Variants in RAB3GAP1 observed in about 807,000 individuals in gnomAD.
The protein encoded by RAB3GAP1 is RAB3 GTPase activating protein catalytic subunit 1.
RAB3GAP1 carries 86 observed loss-of-function variants against 130.7 expected under a neutral mutation model. The ratio of observed to expected loss-of-function variants is 0.66; its 90% confidence interval spans 0.55 to 0.79. The LOEUF (loss-of-function observed/expected upper bound fraction) is 0.79, where lower values mean the gene tolerates loss of function less well. RAB3GAP1 is among the 30% of genes least tolerant of loss of function. RAB3GAP1 has a pLI of 0.00. For missense variants in RAB3GAP1, 1,029 were observed against 1,169.4 expected, an observed-to-expected ratio of 0.88 and a Z score of 1.75; for synonymous variants, 367 against 401.7, an observed-to-expected ratio of 0.91 and a Z score of 1.03.
chr2:135,164,177 GCACA>G (rs1461358057), intron 22 of RAB3GAP1, among the ~76,000 whole-genome samples: 1 of 152,088 alleles, frequency 6.6e-6, no homozygotes, highest in Admixed American at 6.5e-5. Flanking sequence ...ACGTGTGCGT[GCACA>G]CACAGACACA....
chr2:135,158,207 C>T (rs190020285), intron 19 of RAB3GAP1, among the ~76,000 whole-genome samples: 342 of 152,242 alleles, frequency 2.2e-3, no homozygotes, highest in African/African-American at 6.0e-3. Context: ...AGCACTGACA[C>T]CCTCATAGCA....
intron 2 of RAB3GAP1, among the ~76,000 whole-genome samples, chr2:135,054,701 A>AT (rs1688964577): frequency 2.6e-5 from 4 of 152,226 alleles, no homozygotes; most frequent in Admixed American, 2.6e-4. Context: ...GAATGGAAAA[A>AT]TGATCACTTT....
intron 17 of RAB3GAP1, among the ~76,000 whole-genome samples, chr2:135,139,466 G>A (rs1023750187): frequency 4.6e-5 from 7 of 151,848 alleles, no homozygotes; most frequent in African/African-American, 1.7e-4. Context: ...GCTTGGGTCC[G>A]GGAGGCAGAG....
intron 7 of RAB3GAP1, among the ~76,000 whole-genome samples, chr2:135,119,175 C>T (rs1222524313): frequency 1.4e-5 from 2 of 145,176 alleles, no homozygotes; most frequent in Admixed American, 7.0e-5. Context: ...GTGGCACGAT[C>T]TTGGCTCACT....
chr2:135,124,126 T>C (rs1192083186), intron 8 of RAB3GAP1, 39 bp from the exon 9 acceptor site: 5 of 1,572,204 alleles, frequency 3.2e-6, no homozygotes, highest in Non-Finnish European at 4.4e-6. Context: ...CTCTTCTTTA[T>C]TTTTTCCCAA....
At chr2:135,080,981 G>C (rs934002113) in intron 3 of RAB3GAP1, among the ~76,000 whole-genome samples, 4 of 152,048 alleles carry the variant, frequency 2.6e-5, no homozygotes, top group African/African-American at 9.7e-5. Flanking sequence ...TCAATGATTA[G>C]AAACTATTTA....
chr2:135,125,295 A>G (rs1427522385), intron 9 of RAB3GAP1, among the ~76,000 whole-genome samples: 1 of 152,236 alleles, frequency 6.6e-6, no homozygotes, highest in Non-Finnish European at 1.5e-5. Context: ...ATGAATCAGT[A>G]CAGTAGTACC....
chr2:135,153,445 T>C (rs1158855509), intron 18 of RAB3GAP1, among the ~76,000 whole-genome samples: 2 of 152,340 alleles, frequency 1.3e-5, no homozygotes, highest in Non-Finnish European at 2.9e-5. Context: ...ATGTTTTCTT[T>C]TTCTATAAAG....
At chr2:135,081,361 T>TATATATATATATATACACAC (rs1216831944) in intron 3 of RAB3GAP1, among the ~76,000 whole-genome samples, 6 of 71,248 alleles carry the variant, frequency 8.4e-5, no homozygotes, top group Non-Finnish European at 1.4e-4. Flanking sequence ...TATATATATA[T>TATATATATATATATACACAC]ACACACACGT....
At chr2:135,093,738 GGGGA>G in intron 5 of RAB3GAP1, 45 bp downstream of exon 5, 8 of 1,426,382 alleles carry the variant, frequency 5.6e-6, no homozygotes, top group Non-Finnish European at 7.9e-6. Context: ...GTGTGTTGCG[GGGGA>G]CCTCAACACT....
intron 3 of RAB3GAP1, among the ~76,000 whole-genome samples, chr2:135,061,846 T>C (rs1689179038): frequency 1.3e-5 from 2 of 151,442 alleles, no homozygotes; most frequent in South Asian, 4.2e-4. Flanking sequence ...AGGGATCAAG[T>C]TTCTTCTTCC....
In RAB3GAP1 at chr2:135,059,559, A is replaced by C. The variant is rs571645760; in HGVS notation, c.150+1473A>C. ...TACATATTTTGGGGTACATGTGATA[A>C]TTTGATACATGCATATAATCAAATC... is the stretch of plus-strand genomic sequence containing the variant. On this transcript the variant is annotated intron_variant, in intron 3 of 23. Coordinates refer to ENST00000264158, the MANE Select transcript of RAB3GAP1 (RefSeq NM_012233.3). 2.6e-5 allele frequency among the ~76,000 whole-genome samples: 4 copies of C among 152,282 alleles called. No individual in the cohort carries two copies. The South Asian group carries it at 8.3e-4, about 32-fold the overall frequency.
At chr2:135,093,172 T>G (rs1434964911) in intron 4 of RAB3GAP1, among the ~76,000 whole-genome samples, 1 of 152,156 alleles carries the variant, frequency 6.6e-6, no homozygotes, top group Non-Finnish European at 1.5e-5. Flanking sequence ...TAAACATAGT[T>G]TAGAAGTGGG....
chr2:135,092,883 G>A (rs746277854), intron 4 of RAB3GAP1, among the ~76,000 whole-genome samples: 21 of 152,242 alleles, frequency 1.4e-4, no homozygotes, highest in Non-Finnish European at 5.9e-5. Context: ...ACAGATACGC[G>A]TTTAAAACTA....
chr2:135,074,308 T>C (rs1159946536), intron 3 of RAB3GAP1, among the ~76,000 whole-genome samples: 1 of 152,122 alleles, frequency 6.6e-6, no homozygotes, highest in Non-Finnish European at 1.5e-5. Flanking sequence ...AACGTAGGGA[T>C]TGGGGACTTT....
intron 3 of RAB3GAP1, among the ~76,000 whole-genome samples, chr2:135,074,350 C>T (rs1689561931): frequency 6.6e-6 from 1 of 152,228 alleles, no homozygotes; most frequent in Non-Finnish European, 1.5e-5. Flanking sequence ...AGCCTTCCTC[C>T]CTTCTGGGCA....
In RAB3GAP1 at chr2:135,126,664, A is replaced by C; in HGVS notation, c.973+8A>C. ...ATCCTCAGTGTTTGCTAGGTAAGGTATATTATGCTCCTTTCCTGAAATACT... is the reference window on the plus strand; with the variant it reads ...ATCCTCAGTGTTTGCTAGGTAAGGTCTATTATGCTCCTTTCCTGAAATACT... On this transcript the variant is annotated splice_region_variant and intron_variant, in intron 11 of 23. Coordinates refer to ENST00000264158, the MANE Select transcript of RAB3GAP1 (RefSeq NM_012233.3). The C allele has an allele frequency of 1.3e-6, 2 of 1,599,240 alleles. No homozygotes were observed. The highest frequency in any genetic ancestry group is 1.7e-6 in the Non-Finnish European group (2 of 1,166,584).
At chr2:135,069,407 G>A (rs1349197719) in intron 3 of RAB3GAP1, among the ~76,000 whole-genome samples, 1 of 151,862 alleles carries the variant, frequency 6.6e-6, no homozygotes, top group East Asian at 1.9e-4. Context: ...ACCATTTTCT[G>A]TACTTTTTTT....
At chr2:135,135,403 G>T in intron 16 of RAB3GAP1, 84 bp downstream of exon 16, 12 of 1,449,552 alleles carry the variant, frequency 8.3e-6, no homozygotes, top group Non-Finnish European at 1.2e-5. Flanking sequence ...TGGGTTACAT[G>T]CTGTTCTCAT....
Sources: gnomAD v4.1 joint callset for allele counts (sites outside exome capture counted in the v4.1 genomes callset) on GRCh38, gnomAD v4.1.1 for gene constraint, MANE v1.5 for transcripts, NCBI Gene and HGNC (gene_info 2026-07-23, HGNC 2026-07-21) for gene names.